The following KIF9 variants were observed in gnomAD, a reference collection of about 807,000 sequenced individuals.
KIF9 encodes the protein kinesin-like protein KIF9.
KIF9 carries 68 observed loss-of-function variants against 94.8 expected under a neutral mutation model. The ratio of observed to expected loss-of-function variants is 0.72; its 90% CI spans 0.59 to 0.88. The LOEUF (loss-of-function observed/expected upper bound fraction) is 0.88, where lower values mean the gene tolerates loss of function less well. Ranked by LOEUF, KIF9 falls within the 40% of genes least tolerant of loss-of-function variation. The pLI is 0.00. For synonymous variants in KIF9, 343 were observed against 362.1 expected (o/e 0.95, Z 0.60); for missense variants, 882 against 982.5 (o/e 0.90, Z 1.37).
At chr3:47,263,112 G>C (rs919480982) in intron 9 of KIF9, among the ~76,000 whole-genome samples, 1 of 152,090 alleles carries the variant, frequency 6.6e-6, no homozygotes, top group African/African-American at 2.4e-5. Flanking sequence ...GGTCAGGCTG[G>C]TCTTGAACTC....
chr3:47,241,657 A>G (rs1008752829), intron 16 of KIF9, among the ~76,000 whole-genome samples: 9 of 135,118 alleles, frequency 6.7e-5, no homozygotes, highest in African/African-American at 2.3e-4. Context: ...GTGTATATAT[A>G]TATGTGTGTG....
chr3:47,256,120 C>T (rs1050455134), intron 10 of KIF9, among the ~76,000 whole-genome samples: 1 of 152,240 alleles, frequency 6.6e-6, no homozygotes, highest in African/African-American at 2.4e-5. Context: ...CAACTTCCAC[C>T]TCCCAGCCGC....
intron 10 of KIF9, among the ~76,000 whole-genome samples, chr3:47,249,455 A>G (rs990048326): frequency 2.0e-5 from 3 of 152,040 alleles, no homozygotes; most frequent in Admixed American, 1.3e-4. Context: ...CTCACCTCTA[A>G]TTTTTTGCTG....
intron 1 of KIF9, 56 bp from the exon 2 acceptor site, chr3:47,277,435 G>T: frequency 8.8e-7 from 1 of 1,138,414 alleles, no homozygotes; most frequent in Non-Finnish European, 1.3e-6. Context: ...AACAAGTAGA[G>T]GAGAGGGGTC....
Position 47,236,132 on chromosome 3 carries a change from T to C in KIF9, c.2119A>G (p.Asn707Asp). Residue 707 changes from asparagine (N) to aspartate (D), a missense_variant, in exon 19 of 21, where the codon AAT becomes GAT. Asn to Asp is a conservative substitution (Grantham distance 23). Coordinates refer to ENST00000684063, the MANE Select transcript of KIF9 (RefSeq NM_182902.4). ...TCCTCAGGGATGACAAAGGACTCAT[T>C]GTACCAGATGTCAAATTCTACAAGG... ...RLLMEFDIWY[N>D]ESFVIPEDMQ... 6.2e-7 allele frequency: 1 copy of C among 1,613,796 alleles called. No homozygotes were observed.
At chr3:47,231,037 T>TA (rs983710975) in intron 20 of KIF9, among the ~76,000 whole-genome samples, 6 of 147,804 alleles carry the variant, frequency 4.1e-5, no homozygotes, top group Admixed American at 1.3e-4. Flanking sequence ...AAACTCCGTC[T>TA]AAAAAAAAAA....
intron 12 of KIF9, 37 bp downstream of exon 12, chr3:47,247,336 G>A: frequency 7.0e-7 from 1 of 1,435,766 alleles, no homozygotes; most frequent in Non-Finnish European, 9.8e-7. Flanking sequence ...GGAGGCCCAG[G>A]CTGGCTGAGC....
chr3:47,231,184 T>C (rs1698545313), intron 20 of KIF9, among the ~76,000 whole-genome samples: 1 of 151,934 alleles, frequency 6.6e-6, no homozygotes, highest in Admixed American at 6.6e-5. Flanking sequence ...AGGGAGGCAG[T>C]ATGCAAAAAG....
Position 47,240,715 on chromosome 3 carries a change from GA to G in KIF9, c.1924+85del, listed in dbSNP as rs999567754. ...CCCCCACTGGCCCCCTCCCATCTCAGACCTCTAGTGCCAAGGGCTGTTCTGC... is the reference window on the plus strand; with the variant it reads ...CCCCCACTGGCCCCCTCCCATCTCAGCCTCTAGTGCCAAGGGCTGTTCTGC... On this transcript the variant is annotated intron_variant, in intron 17 of 20. Coordinates refer to ENST00000684063, the MANE Select transcript of KIF9 (RefSeq NM_182902.4). 13 of 1,153,484 alleles carry G rather than the reference GA, an allele frequency of 1.1e-5. No homozygotes were observed. The Admixed American group carries it at 2.3e-4, about 20-fold the overall frequency. The allele number at this position is 1,153,484 out of a possible 1,614,324, so 71.5% of individuals were successfully genotyped here.
chr3:47,260,649 C>A (rs554848387), intron 9 of KIF9, among the ~76,000 whole-genome samples: 30 of 152,260 alleles, frequency 2.0e-4, no homozygotes, highest in African/African-American at 7.2e-4. Flanking sequence ...GTTTTATAGA[C>A]GAGGACACTG....
intron 17 of KIF9, chr3:47,240,060 G>A (rs1699350257): frequency 1.5e-6 from 1 of 655,630 alleles, no homozygotes; most frequent in Non-Finnish European, 2.3e-6. Flanking sequence ...CACTGGCTGA[G>A]GGGCTGGGAA....
chr3:47,273,976 T>C (rs1245239715), intron 3 of KIF9, among the ~76,000 whole-genome samples: 1 of 152,058 alleles, frequency 6.6e-6, no homozygotes, highest in African/African-American at 2.4e-5. Flanking sequence ...CTGGAACTTT[T>C]CCTAAAAAGA....
chr3:47,244,663 G>T, intron 15 of KIF9, 128 bp downstream of exon 15: 1 of 1,160,304 alleles, frequency 8.6e-7, no homozygotes, highest in Non-Finnish European at 1.2e-6. Context: ...AGTATTGGCA[G>T]CAGTGACGTC....
chr3:47,267,131 C>T (rs548736849), intron 6 of KIF9, 49 bp downstream of exon 6: 43 of 1,600,018 alleles, frequency 2.7e-5, no homozygotes, highest in Non-Finnish European at 3.3e-5. Flanking sequence ...GAGCAGGCCC[C>T]GTGGGAATTG....
rs372935276 is a variant in KIF9 at position 47,241,843 on chromosome 3, AATAT to A, written c.1710-832_1710-829del. On this transcript the variant is annotated intron_variant, in intron 16 of 20. Coordinates refer to ENST00000684063, the MANE Select transcript of KIF9 (RefSeq NM_182902.4). ...TATATATACACACACACATATATAA[AATAT>A]ATATATATATATATACACATATATA... 1.3e-4 allele frequency among the ~76,000 whole-genome samples: 16 copies of A among 125,982 alleles called. 1 individual carries two copies. Among genetic ancestry groups the A allele is most frequent in the South Asian group, 2.4e-4 (1 of 4,122 alleles). 82.6% of individuals were successfully genotyped at this position (125,982 alleles called of 152,430 possible).
chr3:47,241,043 G>T, intron 16 of KIF9, 28 bp from the exon 17 acceptor site: 1 of 1,596,258 alleles, frequency 6.3e-7, no homozygotes, highest in African/African-American at 1.3e-5. Flanking sequence ...AGACCAAAGA[G>T]GATAAATGAG....
chr3:47,281,506 C>G (rs188051472), intron 1 of KIF9, among the ~76,000 whole-genome samples: 95 of 152,238 alleles, frequency 6.2e-4, no homozygotes, highest in African/African-American at 2.2e-3. Flanking sequence ...CACCACCACG[C>G]CCGGGTAATT....
chr3:47,264,924 T>C (rs975933673), intron 8 of KIF9, among the ~76,000 whole-genome samples: 2 of 152,328 alleles, frequency 1.3e-5, no homozygotes, highest in South Asian at 2.1e-4. Context: ...TTTCTTTCCA[T>C]GTGAGGATAC....
At chr3:47,280,498 G>T (rs1308276344) in intron 1 of KIF9, among the ~76,000 whole-genome samples, 1 of 152,194 alleles carries the variant, frequency 6.6e-6, no homozygotes, top group Non-Finnish European at 1.5e-5. Context: ...TTGAGGCCAG[G>T]AATTAGGAAC....
Sources: allele counts gnomAD v4.1 joint callset (sites outside exome capture counted in the v4.1 genomes callset), GRCh38; gene constraint gnomAD v4.1.1; transcripts MANE v1.5; gene names NCBI Gene and HGNC (gene_info 2026-07-23, HGNC 2026-07-21).